The following DESI1 variants were observed in gnomAD, a reference collection of about 807,000 sequenced individuals.
DESI1 encodes the protein desumoylating isopeptidase 1, also known as PPPDE peptidase domain containing 2.
In DESI1, 17 loss-of-function variants were observed where a neutral mutation model predicts 22.4. The ratio of observed to expected loss-of-function variants is 0.76; its 90% CI spans 0.52 to 1.14. The LOEUF (loss-of-function observed/expected upper bound fraction) is 1.14, where lower values mean the gene tolerates loss of function less well. Among genes scored for constraint, DESI1 ranks in the 50% most tolerant of loss-of-function variants. The pLI is 0.00. For missense variants in DESI1, 177 were observed against 208.9 expected, an observed-to-expected ratio of 0.85 and a Z score of 0.94; for synonymous variants, 92 against 84.2, an observed-to-expected ratio of 1.09 and a Z score of -0.51.
At chr22:41,618,610 T>A (rs770359635) in intron 1 of DESI1, among the ~76,000 whole-genome samples, 4 of 152,168 alleles carry the variant, frequency 2.6e-5, no homozygotes, top group African/African-American at 9.6e-5. Context: ...TAATGACTCC[T>A]AAGGCTCCTT....
chr22:41,616,389 T>C (rs2067550469), intron 1 of DESI1, among the ~76,000 whole-genome samples: 1 of 152,234 alleles, frequency 6.6e-6, no homozygotes, highest in South Asian at 2.1e-4. Context: ...AATTTATATA[T>C]TCTATGTCTC....
rs746030843 is a variant in DESI1, at chr22:41,603,315, C to T, written c.357G>A (p.Leu119=). ...TGTAAGAAGGAATCTTCCGCCCAGT[C>T]AGGAACTGTGCCACTTCGTTGCTGA... ...NTFSNEVAQF[L]TGRKIPSYIT... The change falls in exon 5 of 6, where the codon CTG becomes CTA. Residue 119 remains leucine, a synonymous_variant. Transcript: ENST00000263256. The T allele has an allele frequency of 6.2e-7, 1 of 1,614,238 alleles. No homozygotes were observed. Among genetic ancestry groups the T allele is most frequent in the Non-Finnish European group, 8.5e-7 (1 of 1,180,052 alleles).
chr22:41,601,859 GTGTGC>G, intron 5 of DESI1: 1 of 152,326 alleles, frequency 6.6e-6, no homozygotes, highest in Middle Eastern at 3.4e-3. Context: ...GATTACAGGC[GTGTGC>G]CACTGCGCCT....
At chr22:41,604,484 T>C (rs1438775627) in intron 3 of DESI1, among the ~76,000 whole-genome samples, 2 of 152,196 alleles carry the variant, frequency 1.3e-5, no homozygotes, top group East Asian at 3.9e-4. Context: ...TGACCTTAAG[T>C]GATCCACCCA....
At chr22:41,612,421 A>G (rs1487714601) in intron 1 of DESI1, among the ~76,000 whole-genome samples, 1 of 151,740 alleles carries the variant, frequency 6.6e-6, no homozygotes. Flanking sequence ...AGACAGAAGA[A>G]TCACTTGAAC....
rs188136747 is a variant in DESI1 at position 41,613,363 on chromosome 22, T to C, written c.89-5502A>G. 1.5e-3 allele frequency among the ~76,000 whole-genome samples: 224 copies of C among 152,292 alleles called. 1 individual carries two copies. Among genetic ancestry groups the C allele is most frequent in the African/African-American group, 5.3e-3 (221 of 41,562 alleles). On this transcript the variant is annotated intron_variant, in intron 1 of 5. Transcript: ENST00000263256. ...GCGTAGCACAGGGTCTGGGACATAA[T>C]ACATGCCCAATAAAGGCTAACTCAT... is the stretch of plus-strand genomic sequence containing the variant.
chr22:41,613,276 G>A (rs2067529178), intron 1 of DESI1, among the ~76,000 whole-genome samples: 1 of 152,126 alleles, frequency 6.6e-6, no homozygotes, highest in Non-Finnish European at 1.5e-5. Context: ...GTAAAAAAAA[G>A]CATAATAACA....
chr22:41,601,236 CCTG>C, intron 5 of DESI1, 46 bp from the exon 6 acceptor site: 11 of 1,545,228 alleles, frequency 7.1e-6, no homozygotes, highest in Non-Finnish European at 9.6e-6. Context: ...TGGGATGTGG[CCTG>C]CTGTCACACA....
chr22:41,616,525 AACACACACACACACACACAC>A (rs55785001), intron 1 of DESI1, among the ~76,000 whole-genome samples: 5 of 146,706 alleles, frequency 3.4e-5, no homozygotes, highest in East Asian at 2.0e-4. Context: ...CCACAATTAA[AACACACACACACACACACAC>A]ACACACACAC....
At position 41,620,945 on chromosome 22, in the gene DESI1, G is replaced by A; in HGVS notation, c.-106C>T. ...CGAAGCGGAGGGAGAGGGGGGGACCGAGCCCGGGCCCGGGCTGAGGGGTGG... is the reference window on the plus strand; with the variant it reads ...CGAAGCGGAGGGAGAGGGGGGGACCAAGCCCGGGCCCGGGCTGAGGGGTGG... On this transcript the variant is annotated 5_prime_UTR_variant, in exon 1 of 6. Coordinates refer to ENST00000263256, the MANE Select transcript of DESI1 (RefSeq NM_015704.3). 2 of 1,323,626 alleles carry A rather than the reference G, an allele frequency of 1.5e-6. No individual in the cohort carries two copies. Among genetic ancestry groups the A allele is most frequent in the Non-Finnish European group, 2.1e-6 (2 of 958,674 alleles). 82.0% of individuals were successfully genotyped at this position (1,323,626 alleles called of 1,614,324 possible).
intron 3 of DESI1, among the ~76,000 whole-genome samples, chr22:41,606,499 C>T (rs6002417): frequency 0.014 from 2,126 of 152,174 alleles, 52 homozygotes; most frequent in African/African-American, 0.049. Flanking sequence ...AAAGGCTGGG[C>T]GCTGTGGCTC....
chr22:41,607,871 G>A lies in DESI1; in HGVS notation c.89-10C>T. 3.1e-6 allele frequency: 5 copies of A among 1,614,160 alleles called. No homozygotes were observed. The highest frequency in any genetic ancestry group is 3.4e-6 in the Non-Finnish European group (4 of 1,180,002). On this transcript the variant is annotated splice_polypyrimidine_tract_variant and intron_variant, in intron 1 of 5. Coordinates refer to ENST00000263256, the MANE Select transcript of DESI1 (RefSeq NM_015704.3). ...CCTTCCAGTTGTTTCCCTGTGGAGA[G>A]AAGAAGAGATTTAGCCACTTGGGAC...
At chr22:41,607,450 T>C (rs1455735381) in intron 2 of DESI1, 119 bp from the exon 3 acceptor site, 3 of 940,138 alleles carry the variant, frequency 3.2e-6, no homozygotes, top group Non-Finnish European at 4.7e-6. Flanking sequence ...ACCAGTCTTA[T>C]AAAACCAACA....
At chr22:41,602,831 G>T in intron 5 of DESI1, 21 of 1,033,300 alleles carry the variant, frequency 2.0e-5, no homozygotes, top group Non-Finnish European at 2.5e-5. Context: ...GGGAGTCAAA[G>T]AGTTCATGGT....
chr22:41,618,323 ACTGCACTC>A (rs1404156015), intron 1 of DESI1, among the ~76,000 whole-genome samples: 1 of 149,946 alleles, frequency 6.7e-6, no homozygotes, highest in Admixed American at 6.7e-5. Context: ...AGATCACCCC[ACTGCACTC>A]CAGCCTGGGC....
At chr22:41,602,810 A>G in intron 5 of DESI1, 1 of 1,036,572 alleles carries the variant, frequency 9.6e-7, no homozygotes, top group Non-Finnish European at 1.2e-6. Context: ...CAAGTAGAAC[A>G]TAGTCGTTGA....
At chr22:41,618,035 T>G (rs1202766285) in intron 1 of DESI1, among the ~76,000 whole-genome samples, 1 of 152,164 alleles carries the variant, frequency 6.6e-6, no homozygotes, top group African/African-American at 2.4e-5. Context: ...AAATTCCCAC[T>G]TTCAAAGTCA....
chr22:41,602,434 C>T (rs2067454376), intron 5 of DESI1: 2 of 985,324 alleles, frequency 2.0e-6, no homozygotes, highest in South Asian at 4.7e-5. Flanking sequence ...CAGCCTGCCA[C>T]AGCAGTCTTG....
chr22:41,609,534 C>T (rs1285517414), intron 1 of DESI1, among the ~76,000 whole-genome samples: 1 of 152,202 alleles, frequency 6.6e-6, no homozygotes, highest in Non-Finnish European at 1.5e-5. Flanking sequence ...TGGCCCACCC[C>T]TGTAATCCCA....
Sources: allele counts gnomAD v4.1 joint callset (sites outside exome capture counted in the v4.1 genomes callset), GRCh38; gene constraint gnomAD v4.1.1; transcripts MANE v1.5; gene names NCBI Gene and HGNC (gene_info 2026-07-23, HGNC 2026-07-21).